GALNT13: variants seen among roughly 807,000 people sequenced by gnomAD.
The protein encoded by GALNT13 is UDP-GalNAc:polypeptide N-acetylgalactosaminyltransferase 13.
In GALNT13, 28 loss-of-function variants were observed where a neutral mutation model predicts 64.2. That is an observed-to-expected ratio of 0.44 (90% CI 0.32 to 0.60). The LOEUF (loss-of-function observed/expected upper bound fraction) is 0.60. Among genes scored for constraint, GALNT13 ranks in the 20% least tolerant of loss-of-function variants. The pLI is 0.05. For synonymous variants in GALNT13, 214 were observed against 224.6 expected (o/e 0.95, Z 0.42); for missense variants, 577 against 669.8 (o/e 0.86, Z 1.53).
At chr2:153,369,532 AATG>A in the GALNT13 span, among the ~76,000 whole-genome samples, 3 of 152,132 alleles carry the variant, frequency 2.0e-5, no homozygotes, top group African/African-American at 7.2e-5. Context: ...CAAGCCCTAA[AATG>A]ATCCCAAAGG....
At chr2:153,889,035 C>T (rs1687372512) in intron 1 of GALNT13, among the ~76,000 whole-genome samples, 1 of 151,972 alleles carries the variant, frequency 6.6e-6, no homozygotes, top group African/African-American at 2.4e-5. Flanking sequence ...TACACTGTTT[C>T]CTAGCACAGG....
At chr2:153,101,567 TG>T in the GALNT13 span, among the ~76,000 whole-genome samples, 1 of 152,246 alleles carries the variant, frequency 6.6e-6, no homozygotes, top group Non-Finnish European at 1.5e-5. Flanking sequence ...AGTCTTTTTT[TG>T]TTTTTTAGTC....
the GALNT13 span, among the ~76,000 whole-genome samples, chr2:153,745,722 T>A: frequency 1.3e-5 from 2 of 152,014 alleles, no homozygotes; most frequent in African/African-American, 4.8e-5. Context: ...CTATTTTTGG[T>A]TTGTTGTTTG....
At chr2:153,574,429 C>T in the GALNT13 span, among the ~76,000 whole-genome samples, 1 of 152,016 alleles carries the variant, frequency 6.6e-6, no homozygotes, top group Non-Finnish European at 1.5e-5. Context: ...TTTGAATAAA[C>T]TTTCTACCTT....
chr2:153,341,090 T>A, the GALNT13 span, among the ~76,000 whole-genome samples: 2 of 152,170 alleles, frequency 1.3e-5, no homozygotes, highest in Non-Finnish European at 2.9e-5. Flanking sequence ...GGAAGAAAAA[T>A]TTTATTGAAA....
At chr2:153,348,926 G>A in the GALNT13 span, among the ~76,000 whole-genome samples, 4 of 152,220 alleles carry the variant, frequency 2.6e-5, no homozygotes, top group South Asian at 4.1e-4. Flanking sequence ...AGAGTCTGAG[G>A]TCCTTTTGAA....
chr2:153,257,173 C>A, the GALNT13 span, among the ~76,000 whole-genome samples: 1 of 152,214 alleles, frequency 6.6e-6, no homozygotes, highest in African/African-American at 2.4e-5. Flanking sequence ...TTTTTAAGCC[C>A]GTCGGAAAAG....
the GALNT13 span, among the ~76,000 whole-genome samples, chr2:153,434,678 T>G: frequency 6.6e-6 from 1 of 152,150 alleles, no homozygotes; most frequent in Admixed American, 6.5e-5. Flanking sequence ...TGGGGTTGTT[T>G]GGTTTTTTTC....
chr2:154,192,865 A>G (rs1282004356), intron 4 of GALNT13, among the ~76,000 whole-genome samples: 1 of 152,228 alleles, frequency 6.6e-6, no homozygotes, highest in Non-Finnish European at 1.5e-5. Context: ...AGCTAGTTTC[A>G]ATATTTTAGA....
chr2:153,515,297 G>A, the GALNT13 span, among the ~76,000 whole-genome samples: 6 of 152,100 alleles, frequency 3.9e-5, no homozygotes, highest in African/African-American at 1.4e-4. Flanking sequence ...CTCTGCCGTA[G>A]CTCCCTCTGC....
the GALNT13 span, among the ~76,000 whole-genome samples, chr2:153,222,471 C>G: frequency 5.3e-5 from 8 of 152,116 alleles, no homozygotes; most frequent in East Asian, 1.5e-3. Flanking sequence ...GAGCTGACAG[C>G]CCAGCCCCCA....
the GALNT13 span, among the ~76,000 whole-genome samples, chr2:153,167,850 G>T: frequency 5.3e-5 from 8 of 152,288 alleles, no homozygotes; most frequent in South Asian, 1.2e-3. Flanking sequence ...TTAGGATGGT[G>T]TCCAGGAAAG....
chr2:154,136,437 C>G (rs1200419720), intron 3 of GALNT13, among the ~76,000 whole-genome samples: 1 of 151,962 alleles, frequency 6.6e-6, no homozygotes, highest in Non-Finnish European at 1.5e-5. Context: ...TAGTTCATTT[C>G]TCTTTTTTCA....
intron 3 of GALNT13, among the ~76,000 whole-genome samples, chr2:154,003,991 A>G (rs976860833): frequency 1.3e-5 from 2 of 152,090 alleles, no homozygotes; most frequent in Admixed American, 1.3e-4. Flanking sequence ...AGTCTCAGAT[A>G]ATTTTTTATA....
At chr2:154,223,205 T>C in intron 4 of GALNT13, among the ~76,000 whole-genome samples, 1 of 152,180 alleles carries the variant, frequency 6.6e-6, no homozygotes, top group African/African-American at 2.4e-5. Flanking sequence ...TGATATTCAA[T>C]TTATTTTTCA....
the GALNT13 span, among the ~76,000 whole-genome samples, chr2:153,166,110 A>G: frequency 1.3e-4 from 20 of 152,298 alleles, no homozygotes; most frequent in Non-Finnish European, 2.6e-4. Context: ...AGATTCCCAA[A>G]GATTCCCCAC....
rs1238613797 is a variant in GALNT13 at position 154,133,534 on chromosome 2, T to TTGTA, written c.143-6802_143-6801insGTAT. On this transcript the variant is annotated intron_variant, in intron 3 of 12. Coordinates refer to ENST00000392825, the MANE Select transcript of GALNT13 (RefSeq NM_052917.4). ...TTTTTCAGTAACATAACAGACCATT[T>TTGTA]TATATATATATATATATATATATAT... Among the ~76,000 whole-genome samples, 3 of 77,294 alleles carry TTGTA rather than the reference T, an allele frequency of 3.9e-5. No individual in the cohort carries two copies. The East Asian group carries it at 1.6e-3, about 40-fold the overall frequency. The allele number at this position is 77,294 out of a possible 152,430, so 50.7% of individuals were successfully genotyped here.
intron 3 of GALNT13, among the ~76,000 whole-genome samples, chr2:153,994,187 A>T (rs1041740933): frequency 2.0e-5 from 3 of 151,978 alleles, no homozygotes; most frequent in African/African-American, 7.3e-5. Flanking sequence ...TGTCCTTGCG[A>T]TAGTTTGCTG....
At chr2:153,088,203 C>T in the GALNT13 span, among the ~76,000 whole-genome samples, 1 of 152,012 alleles carries the variant, frequency 6.6e-6, no homozygotes, top group Non-Finnish European at 1.5e-5. Context: ...TCATATTCAT[C>T]CTCATTTCAA....
Sources: allele counts gnomAD v4.1 joint callset (sites outside exome capture counted in the v4.1 genomes callset), GRCh38; gene constraint gnomAD v4.1.1; transcripts MANE v1.5; gene names NCBI Gene and HGNC (gene_info 2026-07-23, HGNC 2026-07-21).